Variants in ZFAT observed in about 807,000 individuals in gnomAD.
ZFAT encodes the protein zinc finger and AT-hook domain containing.
In ZFAT, 64 loss-of-function variants were observed where a neutral mutation model predicts 117.7. The observed-to-expected ratio is 0.54, with a 90% CI of 0.44 to 0.67. ZFAT has a LOEUF of 0.67. Among genes scored for constraint, ZFAT ranks in the 30% least tolerant of loss-of-function variants. The pLI is 0.00. For synonymous variants in ZFAT, 679 were observed against 615.0 expected, an observed-to-expected ratio of 1.10 and a Z score of -1.54; for missense variants, 1,433 against 1,584.5, an observed-to-expected ratio of 0.90 and a Z score of 1.62.
At chr8:134,628,251 C>T (rs1466619934) in intron 3 of ZFAT, among the ~76,000 whole-genome samples, 5 of 152,042 alleles carry the variant, frequency 3.3e-5, no homozygotes, top group East Asian at 3.9e-4. Context: ...AAAGGGCAAA[C>T]GGACATCACA....
chr8:134,605,751 C>T (rs995614265), intron 5 of ZFAT, among the ~76,000 whole-genome samples: 2 of 152,274 alleles, frequency 1.3e-5, no homozygotes, highest in Non-Finnish European at 1.5e-5. Flanking sequence ...TTTGTTTGCA[C>T]GTTTATCTTT....
chr8:134,806,357 G>T, the ZFAT span, among the ~76,000 whole-genome samples: 1 of 152,186 alleles, frequency 6.6e-6, no homozygotes, highest in Admixed American at 6.5e-5. Flanking sequence ...AATGAGGAAA[G>T]TACATGTGGT....
rs747965138 is a variant in ZFAT, at chr8:134,565,318, C to T, written c.2976+15G>A. 2.7e-5 allele frequency: 43 copies of T among 1,612,550 alleles called. No individual in the cohort carries two copies. Among genetic ancestry groups the T allele is most frequent in the Non-Finnish European group, 3.2e-5 (38 of 1,179,598 alleles). On this transcript the variant is annotated intron_variant, in intron 11 of 15. Coordinates refer to ENST00000377838, the MANE Select transcript of ZFAT (RefSeq NM_020863.4). ...TTTGTCTGAACATCTGCCTTCTTCT[C>T]CAGAGCCCTCTTACCTTGAAGGAGA...
At chr8:134,644,759 TG>T (rs1830782345) in intron 2 of ZFAT, among the ~76,000 whole-genome samples, 1 of 150,892 alleles carries the variant, frequency 6.6e-6, no homozygotes, top group Non-Finnish European at 1.5e-5. Context: ...CACACACACA[TG>T]TATACTCACA....
rs1046256778 is a variant in ZFAT, at chr8:134,712,994, G to A, written c.-131C>T. 1.5e-5 allele frequency: 17 copies of A among 1,136,862 alleles called. No individual in the cohort carries two copies. In the East Asian group the frequency reaches 5.5e-4, roughly 36 times the overall value. The allele number at this position is 1,136,862 out of a possible 1,614,324, so 70.4% of individuals were successfully genotyped here. ...TTATTTTTTTAAGAAAAGAGCCGGC[G>A]AGGTTATGGCGAATCTGCGGCATCC... is the stretch of plus-strand genomic sequence containing the variant. On this transcript the variant is annotated 5_prime_UTR_variant, in exon 1 of 16. Transcript: ENST00000377838.
chr8:134,638,565 C>CA (rs869042256), intron 2 of ZFAT, among the ~76,000 whole-genome samples: 1 of 64,996 alleles, frequency 1.5e-5, no homozygotes, highest in African/African-American at 7.2e-5. Flanking sequence ...AAAAACAAAA[C>CA]AAAAAAAAAA....
the ZFAT span, among the ~76,000 whole-genome samples, chr8:134,771,611 T>G: frequency 1.3e-5 from 2 of 152,210 alleles, no homozygotes; most frequent in Admixed American, 6.5e-5. Flanking sequence ...AACAAGTCTC[T>G]AAGAAGTTCC....
chr8:134,820,438 T>G, the ZFAT span, among the ~76,000 whole-genome samples: 7 of 152,248 alleles, frequency 4.6e-5, no homozygotes, highest in Admixed American at 3.9e-4. Flanking sequence ...TACAGCACCT[T>G]GAGTGATGCC....
chr8:134,526,578 G>A (rs576760438), intron 12 of ZFAT, among the ~76,000 whole-genome samples: 17 of 152,306 alleles, frequency 1.1e-4, no homozygotes, highest in African/African-American at 3.1e-4. Flanking sequence ...ATGATGGTAC[G>A]CTTTGCTCTT....
At chr8:134,548,864 T>C (rs2130681375) in intron 11 of ZFAT, among the ~76,000 whole-genome samples, 1 of 152,340 alleles carries the variant, frequency 6.6e-6, no homozygotes, top group East Asian at 1.9e-4. Context: ...CCATGTCTTC[T>C]GCTACTGCTG....
At chr8:134,753,925 A>G in the ZFAT span, among the ~76,000 whole-genome samples, 1 of 152,258 alleles carries the variant, frequency 6.6e-6, no homozygotes, top group Admixed American at 6.5e-5. Flanking sequence ...CCAGTCCCGC[A>G]CAAGGTAATC....
At chr8:134,566,469 T>C (rs544277096) in intron 10 of ZFAT, among the ~76,000 whole-genome samples, 36 of 148,392 alleles carry the variant, frequency 2.4e-4, no homozygotes, top group African/African-American at 8.6e-4. Flanking sequence ...AACAAATTAA[T>C]AGATATATGA....
chr8:134,485,919 G>C (rs961722317), intron 15 of ZFAT, among the ~76,000 whole-genome samples: 7 of 152,124 alleles, frequency 4.6e-5, no homozygotes, highest in Admixed American at 6.5e-5. Context: ...TTCAAAACAG[G>C]GTGCGAAGAA....
rs200948369 is a variant in ZFAT, at chr8:134,515,801, T to C, written c.3235-3200A>G. The stretch of plus-strand genomic sequence containing the variant: ...TTGGACTATGTTTCCATGTACTCCA[T>C]GCCCTGCCCCAGGATTATTCTGAAG... On this transcript the variant is annotated intron_variant, in intron 13 of 15. Transcript: ENST00000377838. Among the ~76,000 whole-genome samples the C allele has an allele frequency of 2.0e-5, 3 of 152,340 alleles. No homozygotes were observed. In the East Asian group the frequency reaches 5.8e-4, roughly 29 times the overall value.
chr8:134,815,958 C>A, the ZFAT span, among the ~76,000 whole-genome samples: 1 of 152,216 alleles, frequency 6.6e-6, no homozygotes, highest in African/African-American at 2.4e-5. Context: ...GAACAGCCAA[C>A]ATAGAGGCTC....
At chr8:134,566,018 A>G (rs1186582784) in intron 10 of ZFAT, among the ~76,000 whole-genome samples, 1 of 151,856 alleles carries the variant, frequency 6.6e-6, no homozygotes, top group Non-Finnish European at 1.5e-5. Flanking sequence ...CAGAACTCCT[A>G]ACTCTGTTTG....
the ZFAT span, among the ~76,000 whole-genome samples, chr8:134,823,921 CTT>C: frequency 6.6e-6 from 1 of 152,300 alleles, no homozygotes; most frequent in African/African-American, 2.4e-5. Context: ...CACTAAAACT[CTT>C]TTGCACAGAA....
At chr8:134,531,114 G>A (rs955697934) in intron 12 of ZFAT, among the ~76,000 whole-genome samples, 5 of 152,342 alleles carry the variant, frequency 3.3e-5, no homozygotes, top group Admixed American at 3.3e-4. Context: ...AATGCCGACT[G>A]ATTACAGAGA....
At chr8:134,802,572 T>G in the ZFAT span, among the ~76,000 whole-genome samples, 1 of 152,192 alleles carries the variant, frequency 6.6e-6, no homozygotes, top group Non-Finnish European at 1.5e-5. Flanking sequence ...TGAAATAAAT[T>G]GGAAGACCCA....
Sources: gnomAD v4.1 joint callset for allele counts (sites outside exome capture counted in the v4.1 genomes callset) on GRCh38, gnomAD v4.1.1 for gene constraint, MANE v1.5 for transcripts, NCBI Gene and HGNC (gene_info 2026-07-23, HGNC 2026-07-21) for gene names.